Variants in EHD4 observed in about 807,000 individuals in gnomAD.
EHD4 encodes EH domain-containing protein 4.
Under a neutral mutation model 51.0 loss-of-function variants are expected in EHD4, and 37 were observed. The ratio of observed to expected loss-of-function variants is 0.73; its 90% confidence interval spans 0.56 to 0.95. EHD4 has a LOEUF of 0.95. Ranked by LOEUF, EHD4 falls within the 40% of genes least tolerant of loss-of-function variation. The probability of loss-of-function intolerance (pLI) is 0.00; values close to 1 mark genes in which losing one functional copy is unlikely to be tolerated. For missense variants in EHD4, 632 were observed against 733.1 expected (o/e 0.86, Z 1.59); for synonymous variants, 297 against 317.3 (o/e 0.94, Z 0.68).
In EHD4 at chr15:41,897,775, C is replaced by G. The variant is rs913405510; in HGVS notation, c.*2870G>C. Reference sequence around the variant, plus strand: ...ACCGGAAGGTTTGTGTTATGCGATACCATATGCTGTGTAGAAAACAGGGCC... The same window carrying G: ...ACCGGAAGGTTTGTGTTATGCGATAGCATATGCTGTGTAGAAAACAGGGCC... On this transcript the variant is annotated 3_prime_UTR_variant, in exon 6 of 6. Transcript: ENST00000220325. 6.6e-6 allele frequency: 1 copy of G among 152,252 alleles called. No homozygotes were observed. The highest frequency in any genetic ancestry group is 1.5e-5 in the Non-Finnish European group (1 of 68,062). 9.4% of individuals were successfully genotyped at this position (152,252 alleles called of 1,614,324 possible). A position where few individuals can be genotyped will look rare whatever the true frequency, so the allele number is the denominator to read the frequency against.
At chr15:41,943,190 G>A (rs763026802) in intron 2 of EHD4, 26 bp from the exon 3 acceptor site, 9 of 1,546,362 alleles carry the variant, frequency 5.8e-6, no homozygotes, top group Non-Finnish European at 7.9e-6. Context: ...CAAAGGAGGG[G>A]TCAGAAACTG....
At position 41,898,561 on chromosome 15, in the gene EHD4, G is replaced by C. The variant is rs764619386; in HGVS notation, c.*2084C>G. 1 of 152,198 alleles carries C rather than the reference G, an allele frequency of 6.6e-6. No individual in the cohort carries two copies. Among genetic ancestry groups the C allele is most frequent in the African/African-American group, 2.4e-5 (1 of 41,434 alleles). 9.4% of individuals were successfully genotyped at this position (152,198 alleles called of 1,614,324 possible). Reference sequence around the variant, plus strand: ...GCTGCAGACTTCAGGTGGTCCTCACGCATTCACAGAACTGTCTGCTTAGGT... The same window carrying C: ...GCTGCAGACTTCAGGTGGTCCTCACCCATTCACAGAACTGTCTGCTTAGGT... On this transcript the variant is annotated 3_prime_UTR_variant, in exon 6 of 6. Coordinates refer to ENST00000220325, the MANE Select transcript of EHD4 (RefSeq NM_139265.4).
intron 1 of EHD4, among the ~76,000 whole-genome samples, chr15:41,969,905 T>C (rs756744187): frequency 9.2e-5 from 14 of 152,096 alleles, no homozygotes; most frequent in Non-Finnish European, 1.9e-4. Flanking sequence ...GCCAGGGAGA[T>C]AAGAATCTAT....
chr15:41,944,081 T>C (rs1446155427), intron 2 of EHD4, among the ~76,000 whole-genome samples: 2 of 152,088 alleles, frequency 1.3e-5, no homozygotes, highest in Non-Finnish European at 2.9e-5. Flanking sequence ...GGAGGAAAAA[T>C]CTAGCCTGTG....
chr15:41,931,153 AT>A (rs1003917673), intron 3 of EHD4, among the ~76,000 whole-genome samples: 4 of 152,172 alleles, frequency 2.6e-5, no homozygotes, highest in Non-Finnish European at 5.9e-5. Context: ...TATTTCATTT[AT>A]TTTTTTACAT....
chr15:41,931,274 G>C (rs913901121), intron 3 of EHD4, among the ~76,000 whole-genome samples: 7 of 152,212 alleles, frequency 4.6e-5, no homozygotes, highest in African/African-American at 1.7e-4. Context: ...CACTTTGGGA[G>C]GCTGAGGCAG....
chr15:41,901,640 G>C (rs1259587098), intron 5 of EHD4, among the ~76,000 whole-genome samples: 1 of 152,206 alleles, frequency 6.6e-6, no homozygotes, highest in Non-Finnish European at 1.5e-5. Flanking sequence ...CCTGGCTCTT[G>C]ACTAATGCTC....
intron 3 of EHD4, among the ~76,000 whole-genome samples, chr15:41,941,165 C>T (rs573260494): frequency 3.7e-4 from 57 of 152,212 alleles, no homozygotes; most frequent in Admixed American, 1.2e-3. Flanking sequence ...CATAAAAAGA[C>T]GACCATCCAC....
chr15:41,963,622 T>C (rs908940795), intron 1 of EHD4, among the ~76,000 whole-genome samples: 1 of 147,936 alleles, frequency 6.8e-6, no homozygotes, highest in Non-Finnish European at 1.5e-5. Context: ...AAAAAGAATA[T>C]GAGTGAACAT....
Position 41,943,106 on chromosome 15 carries a change from G to T in EHD4, c.472C>A (p.Pro158Thr), listed in dbSNP as rs1447047527. The change falls in exon 3 of 6, where the codon CCC becomes ACC. Residue 158 changes from proline to threonine, a missense_variant. Transcript: ENST00000220325. ...VLKSISVIDS[P>T]GILSGEKQRI... ...TGCTTCTCCCCAGAAAGGATGCCGG[G>T]GCTGTCGATGACGCTGATGCTCTTC... is the stretch of plus-strand genomic sequence containing the variant. The T allele has an allele frequency of 1.9e-6, 3 of 1,591,522 alleles. No homozygotes were observed. Among genetic ancestry groups the T allele is most frequent in the Non-Finnish European group, 8.6e-7 (1 of 1,169,142 alleles).
At chr15:41,944,071 G>A (rs761967174) in intron 2 of EHD4, among the ~76,000 whole-genome samples, 43 of 152,192 alleles carry the variant, frequency 2.8e-4, no homozygotes, top group Non-Finnish European at 4.9e-4. Flanking sequence ...AGCAGAGTGC[G>A]GAGGAAAAAT....
At chr15:41,902,838 T>C (rs11636960) in intron 5 of EHD4, among the ~76,000 whole-genome samples, 57,602 of 107,452 alleles carry the variant, frequency 0.54, 11,709 homozygotes, top group Middle Eastern at 0.7. Flanking sequence ...TATATACATA[T>C]GTATATATAT....
intron 3 of EHD4, among the ~76,000 whole-genome samples, chr15:41,940,670 G>C (rs903730665): frequency 2.6e-5 from 4 of 152,202 alleles, no homozygotes; most frequent in South Asian, 2.1e-4. Flanking sequence ...CTGTGCATAG[G>C]ATGTGAGTAA....
chr15:41,898,852 T>A lies in EHD4; in HGVS notation c.*1793A>T, dbSNP rs1371359950. On this transcript the variant is annotated 3_prime_UTR_variant, in exon 6 of 6. Transcript: ENST00000220325. ...CCTCTCAAAATAAAAATAAAAATAA[T>A]AAAATAATAAATGGTTCTTTTCTAT... 6.6e-6 allele frequency: 1 copy of A among 152,090 alleles called. No homozygotes were observed. The highest frequency in any genetic ancestry group is 2.4e-5 in the African/African-American group (1 of 41,416). 9.4% of individuals were successfully genotyped at this position (152,090 alleles called of 1,614,324 possible).
chr15:41,962,031 C>T (rs2067927568), intron 1 of EHD4, among the ~76,000 whole-genome samples: 1 of 152,154 alleles, frequency 6.6e-6, no homozygotes, highest in African/African-American at 2.4e-5. Context: ...AAATAAAAAG[C>T]CCATTCATAA....
chr15:41,916,335 T>C (rs2067583311), intron 4 of EHD4, among the ~76,000 whole-genome samples: 1 of 152,228 alleles, frequency 6.6e-6, no homozygotes, highest in South Asian at 2.1e-4. Flanking sequence ...GACCGAGGTT[T>C]GAACGTATAC....
intron 4 of EHD4, among the ~76,000 whole-genome samples, chr15:41,917,096 CTTATTTATTTATTTATTTAT>C (rs56087855): frequency 1.3e-4 from 18 of 141,880 alleles, no homozygotes; most frequent in South Asian, 2.3e-4. Flanking sequence ...CTTTCTGCTC[CTTATTTATTTATTTATTTAT>C]TTATTTATTT....
rs1192394712 is a variant in EHD4, at chr15:41,947,708, C to T, written c.414-4544G>A. Among the ~76,000 whole-genome samples, 4 of 152,216 alleles carry T rather than the reference C, an allele frequency of 2.6e-5. No individual in the cohort carries two copies. In the East Asian group the frequency reaches 7.7e-4, roughly 29 times the overall value. On this transcript the variant is annotated intron_variant, in intron 2 of 5. Coordinates refer to ENST00000220325, the MANE Select transcript of EHD4 (RefSeq NM_139265.4). ...CTAGGAAGAACTAGGAACTGAATTT[C>T]ACATCCAGATTACAGCAAAGCCCCT...
chr15:41,962,654 C>G (rs1477927681), intron 1 of EHD4, among the ~76,000 whole-genome samples: 1 of 152,032 alleles, frequency 6.6e-6, no homozygotes, highest in Non-Finnish European at 1.5e-5. Flanking sequence ...CCCGGCCAGC[C>G]GCCCCGTCCG....
Sources: allele counts gnomAD v4.1 joint callset (sites outside exome capture counted in the v4.1 genomes callset), GRCh38; gene constraint gnomAD v4.1.1; transcripts MANE v1.5; gene names NCBI Gene and HGNC (gene_info 2026-07-23, HGNC 2026-07-21).